SKA2: variants seen among roughly 807,000 people sequenced by gnomAD.
SKA2 encodes spindle and kinetochore-associated protein 2.
A neutral mutation model predicts 16.9 loss-of-function variants in SKA2; 13 were observed. That is an observed-to-expected ratio of 0.77 (90% CI 0.50 to 1.22). SKA2 has a LOEUF of 1.22. Ranked by LOEUF, SKA2 falls within the 50% of genes most tolerant of loss-of-function variation. SKA2 has a pLI of 0.00. For synonymous variants in SKA2, 47 were observed against 48.5 expected, an observed-to-expected ratio of 0.97 and a Z score of 0.13; for missense variants, 107 against 139.7, an observed-to-expected ratio of 0.77 and a Z score of 1.18.
intron 1 of SKA2, among the ~76,000 whole-genome samples, chr17:59,136,356 G>T (rs1434829617): frequency 1.3e-5 from 2 of 151,810 alleles, no homozygotes; most frequent in African/African-American, 4.8e-5. Flanking sequence ...TAGAGACGGG[G>T]TATCACCATG....
chr17:59,114,853 C>CT (rs1172586560), intron 3 of SKA2, among the ~76,000 whole-genome samples: 1 of 152,110 alleles, frequency 6.6e-6, no homozygotes, highest in Non-Finnish European at 1.5e-5. Flanking sequence ...TAGGTCATCT[C>CT]TAGAGAGACT....
intron 1 of SKA2, among the ~76,000 whole-genome samples, chr17:59,140,387 C>G (rs977611352): frequency 2.0e-5 from 3 of 151,996 alleles, no homozygotes; most frequent in Admixed American, 1.3e-4. Context: ...TGCCACCATG[C>G]CTGGCTAATT....
intron 1 of SKA2, among the ~76,000 whole-genome samples, chr17:59,144,259 GA>G (rs2046514979): frequency 6.8e-6 from 1 of 147,474 alleles, no homozygotes; most frequent in Admixed American, 6.8e-5. Context: ...AAAAAAAAAA[GA>G]CAAGTGTTGG....
chr17:59,112,789 T>TA (rs955095912), intron 3 of SKA2, among the ~76,000 whole-genome samples: 68 of 152,314 alleles, frequency 4.5e-4, no homozygotes, highest in African/African-American at 1.5e-3. Context: ...CTAGATTACT[T>TA]ATATACCTAA....
chr17:59,131,405 A>G, intron 1 of SKA2, 38 bp from the exon 2 acceptor site: 1 of 1,330,614 alleles, frequency 7.5e-7, no homozygotes. Flanking sequence ...GTAAACCAAA[A>G]GACTAATAGT....
chr17:59,114,366 A>G (rs977027208), intron 3 of SKA2, among the ~76,000 whole-genome samples: 2 of 152,182 alleles, frequency 1.3e-5, no homozygotes, highest in South Asian at 4.1e-4. Context: ...TGTGAACATC[A>G]CAGACTGTAC....
intron 1 of SKA2, among the ~76,000 whole-genome samples, chr17:59,147,006 G>C (rs1050728582): frequency 6.7e-6 from 1 of 149,578 alleles, no homozygotes; most frequent in African/African-American, 2.5e-5. Flanking sequence ...CTTTTTTTTT[G>C]GGGGGGACGG....
At chr17:59,153,752 A>C (rs1471058782) in intron 1 of SKA2, among the ~76,000 whole-genome samples, 1 of 152,184 alleles carries the variant, frequency 6.6e-6, no homozygotes, top group Non-Finnish European at 1.5e-5. Flanking sequence ...CAAACGAAGA[A>C]AGAAGTCTTT....
intron 1 of SKA2, among the ~76,000 whole-genome samples, chr17:59,149,028 A>G (rs1202560189): frequency 6.6e-6 from 1 of 152,184 alleles, no homozygotes. Context: ...CCAAGTGTTG[A>G]TAAGGTTATG....
At chr17:59,143,052 G>C (rs1373451301) in intron 1 of SKA2, among the ~76,000 whole-genome samples, 1 of 151,928 alleles carries the variant, frequency 6.6e-6, no homozygotes, top group Non-Finnish European at 1.5e-5. Context: ...AGGATTATAG[G>C]CGTGAGCCAC....
chr17:59,117,781 A>G (rs1272857364), intron 3 of SKA2: 1 of 152,002 alleles, frequency 6.6e-6, no homozygotes, highest in Non-Finnish European at 1.5e-5. Context: ...ACATTTCCCA[A>G]TTTGGTCATC....
chr17:59,131,080 G>A (rs1390498273), intron 2 of SKA2, among the ~76,000 whole-genome samples: 1 of 152,250 alleles, frequency 6.6e-6, no homozygotes, highest in South Asian at 2.1e-4. Flanking sequence ...GGGAAAAAAA[G>A]TAGCCACAAA....
rs879557756 is a variant in SKA2, at chr17:59,136,551, C to CT, written c.34-5185dup. Among the ~76,000 whole-genome samples the CT allele has an allele frequency of 2.1e-3, 298 of 144,766 alleles. 2 individuals are homozygous for CT. Among genetic ancestry groups the CT allele is most frequent in the South Asian group, 4.4e-3 (20 of 4,556 alleles). 95.0% of individuals were successfully genotyped at this position (144,766 alleles called of 152,430 possible). ...AAATGTTGAAAGATAGAAAAATAAG[C>CT]TTTTTTTTTTTTGTTTGAGACGGAG... is the stretch of plus-strand genomic sequence containing the variant. On this transcript the variant is annotated intron_variant, in intron 1 of 3. Coordinates refer to ENST00000330137, the MANE Select transcript of SKA2 (RefSeq NM_182620.4).
chr17:59,135,391 A>G (rs2046438196), intron 1 of SKA2, among the ~76,000 whole-genome samples: 1 of 144,112 alleles, frequency 6.9e-6, no homozygotes, highest in Non-Finnish European at 1.5e-5. Context: ...ATCTCAGCTC[A>G]CTGCACCCTC....
chr17:59,129,358 T>TACATACACACACAC lies in SKA2; in HGVS notation c.120+1922_120+1923insGTGTGTGTGTATGT, dbSNP rs1555711823. The TACATACACACACAC allele has an allele frequency of 1.5e-5, 2 of 136,792 alleles. 1 individual carries two copies. Among genetic ancestry groups the TACATACACACACAC allele is most frequent in the Non-Finnish European group, 3.1e-5 (2 of 64,870 alleles). 8.5% of individuals were successfully genotyped at this position (136,792 alleles called of 1,614,324 possible). ...AGTGAGACCCTATCTTAAACACACATACACACACACACACACACACACACA... is the reference window on the plus strand; with the variant it reads ...AGTGAGACCCTATCTTAAACACACATACATACACACACACACACACACACACACACACACACACA... On this transcript the variant is annotated intron_variant, in intron 2 of 3. Coordinates refer to ENST00000330137, the MANE Select transcript of SKA2 (RefSeq NM_182620.4).
rs144824218 is a variant in SKA2, at chr17:59,113,434, A to G, written c.298-1089T>C. On this transcript the variant is annotated intron_variant, in intron 3 of 3. Coordinates refer to ENST00000330137, the MANE Select transcript of SKA2 (RefSeq NM_182620.4). ...GCTACTCAGGAGGCTGAGTTGGGAG[A>G]ATCCCTCGAACCTGGGAGGCGGAGG... Among the ~76,000 whole-genome samples the G allele has an allele frequency of 4.0e-3, 603 of 151,926 alleles. 3 individuals are homozygous for G. The highest frequency in any genetic ancestry group is 0.013 in the African/African-American group (558 of 41,432).
rs367969018 is a variant in SKA2 at position 59,119,498 on chromosome 17, A to G, written c.121-3T>C. On this transcript the variant is annotated splice_polypyrimidine_tract_variant and splice_region_variant and intron_variant, in intron 2 of 3. Coordinates refer to ENST00000330137, the MANE Select transcript of SKA2 (RefSeq NM_182620.4). ...TTTAAGAGTGTAACTGGATTTTTCT[A>G]TGTCAGGAAAAAAGTGAACATGTAT... The G allele has an allele frequency of 4.3e-6, 7 of 1,612,044 alleles. No homozygotes were observed. In the African/African-American group the frequency reaches 8.0e-5, roughly 18 times the overall value.
intron 1 of SKA2, among the ~76,000 whole-genome samples, chr17:59,132,944 G>A (rs1479926447): frequency 6.6e-6 from 1 of 152,174 alleles, no homozygotes; most frequent in African/African-American, 2.4e-5. Flanking sequence ...CATATACAAA[G>A]TTGAGATGGA....
In SKA2 at chr17:59,129,914, AGGG is replaced by A. The variant is rs1474937340; in HGVS notation, c.120+1364_120+1366del. ...GAGGAAGGAAAAGAGGGAGGGAGGGAGGGAGGGAAGGAAGGAAGGAAGGAGAGA... is the reference window on the plus strand; with the variant it reads ...GAGGAAGGAAAAGAGGGAGGGAGGGAAGGGAAGGAAGGAAGGAAGGAGAGA... On this transcript the variant is annotated intron_variant, in intron 2 of 3. Coordinates refer to ENST00000330137, the MANE Select transcript of SKA2 (RefSeq NM_182620.4). Among the ~76,000 whole-genome samples the A allele has an allele frequency of 2.9e-4, 23 of 79,126 alleles. No individual in the cohort carries two copies. In the Admixed American group the frequency reaches 3.3e-3, roughly 11 times the overall value. The allele number at this position is 79,126 out of a possible 152,430, so 51.9% of individuals were successfully genotyped here.
Sources: allele counts gnomAD v4.1 joint callset (sites outside exome capture counted in the v4.1 genomes callset), GRCh38; gene constraint gnomAD v4.1.1; transcripts MANE v1.5; gene names NCBI Gene and HGNC (gene_info 2026-07-23, HGNC 2026-07-21).